The following ZNF618 variants were observed in gnomAD, a reference collection of about 807,000 sequenced individuals.
ZNF618 encodes the protein zinc finger protein 618.
In ZNF618, 34 loss-of-function variants were observed where a neutral mutation model predicts 103.0. The ratio of observed to expected loss-of-function variants is 0.33; its 90% CI spans 0.25 to 0.44. The LOEUF (loss-of-function observed/expected upper bound fraction) is 0.44. Ranked by LOEUF, ZNF618 falls within the 20% of genes least tolerant of loss-of-function variation. The pLI, the probability that ZNF618 is intolerant of heterozygous loss-of-function variation, is 1.00. For missense variants in ZNF618, 1,059 were observed against 1,295.4 expected (o/e 0.82, Z 2.80); for synonymous variants, 551 against 542.2 (o/e 1.02, Z -0.23).
chr9:114,024,074 A>G (rs753318498), intron 10 of ZNF618, among the ~76,000 whole-genome samples: 35 of 152,176 alleles, frequency 2.3e-4, no homozygotes, highest in Non-Finnish European at 4.7e-4. Context: ...GATATTTGAT[A>G]ATCAATAATG....
At chr9:114,024,759 T>A (rs540657098) in intron 10 of ZNF618, among the ~76,000 whole-genome samples, 1 of 151,148 alleles carries the variant, frequency 6.6e-6, no homozygotes, top group African/African-American at 2.4e-5. Flanking sequence ...TAGCTGTTTT[T>A]TTGCTAGGCT....
In ZNF618 at chr9:113,920,043, GC is replaced by G. The variant is rs563263410; in HGVS notation, c.33+43633del. 3.1e-4 allele frequency among the ~76,000 whole-genome samples: 47 copies of G among 152,290 alleles called. 1 individual carries two copies. The South Asian group carries it at 9.5e-3, about 31-fold the overall frequency. On this transcript the variant is annotated intron_variant, in intron 1 of 14. Coordinates refer to ENST00000374126, the MANE Select transcript of ZNF618 (RefSeq NM_001318042.2). ...ACCTTTGAACCTGGGGAGCACCAGGGCCCTGGCCTGAATGTCAGGGCCTCTA... is the reference window on the plus strand; with the variant it reads ...ACCTTTGAACCTGGGGAGCACCAGGGCCTGGCCTGAATGTCAGGGCCTCTA...
chr9:113,943,410 G>A (rs1385384124), intron 1 of ZNF618, among the ~76,000 whole-genome samples: 1 of 152,154 alleles, frequency 6.6e-6, no homozygotes, highest in Non-Finnish European at 1.5e-5. Context: ...CTGGAGCCAC[G>A]TGTGATGCAC....
intron 9 of ZNF618, among the ~76,000 whole-genome samples, chr9:114,009,532 G>A (rs967039319): frequency 1.3e-5 from 2 of 152,096 alleles, no homozygotes; most frequent in Non-Finnish European, 2.9e-5. Flanking sequence ...AGGTGCCGTG[G>A]GACCACAAGT....
intron 12 of ZNF618, 46 bp downstream of exon 12, chr9:114,032,774 T>C (rs1287353675): frequency 1.9e-6 from 3 of 1,563,970 alleles, no homozygotes; most frequent in South Asian, 2.2e-5. Context: ...GCTGCCAGCT[T>C]CGCCCGCTCC....
intron 1 of ZNF618, among the ~76,000 whole-genome samples, chr9:113,918,531 G>T (rs1459320035): frequency 6.6e-6 from 1 of 151,960 alleles, no homozygotes; most frequent in South Asian, 2.1e-4. Context: ...TTATTAATTG[G>T]AATTGTACTG....
At chr9:113,878,714 A>G (rs1828199967) in intron 1 of ZNF618, among the ~76,000 whole-genome samples, 2 of 152,284 alleles carry the variant, frequency 1.3e-5, no homozygotes, top group South Asian at 4.1e-4. Context: ...TTGGATTGGA[A>G]ATTGATGGTG....
chr9:113,984,220 A>G (rs1839243886), intron 2 of ZNF618, among the ~76,000 whole-genome samples: 1 of 152,178 alleles, frequency 6.6e-6, no homozygotes, highest in Non-Finnish European at 1.5e-5. Context: ...TTAGGACACA[A>G]TGGGAGGATG....
At chr9:113,915,058 C>T (rs1481331176) in intron 1 of ZNF618, among the ~76,000 whole-genome samples, 1 of 152,236 alleles carries the variant, frequency 6.6e-6, no homozygotes, top group Non-Finnish European at 1.5e-5. Context: ...GGAAAATCTT[C>T]TACCTTACTT....
intron 1 of ZNF618, among the ~76,000 whole-genome samples, chr9:113,944,124 A>G (rs1423112985): frequency 1.3e-4 from 19 of 151,822 alleles, no homozygotes; most frequent in South Asian, 2.1e-4. Flanking sequence ...CCCTCTTTCT[A>G]CCTTCTTTTT....
chr9:113,959,483 G>A (rs1160235617), intron 1 of ZNF618, among the ~76,000 whole-genome samples: 1 of 152,358 alleles, frequency 6.6e-6, no homozygotes, highest in African/African-American at 2.4e-5. Flanking sequence ...GGCCCCAGCC[G>A]TGGTGGCACC....
At chr9:114,002,516 G>T (rs1354362594) in intron 5 of ZNF618, 108 bp from the exon 6 acceptor site, 9 of 1,274,258 alleles carry the variant, frequency 7.1e-6, no homozygotes, top group Non-Finnish European at 8.9e-6. Flanking sequence ...CCCGGTGCGG[G>T]ACTGTGAGCT....
At chr9:113,938,852 G>GA (rs1426457471) in intron 1 of ZNF618, among the ~76,000 whole-genome samples, 1 of 152,172 alleles carries the variant, frequency 6.6e-6, no homozygotes, top group Non-Finnish European at 1.5e-5. Flanking sequence ...TTACAGGTGT[G>GA]AGCCACCACA....
chr9:114,043,415 T>A (rs559270361), intron 13 of ZNF618, among the ~76,000 whole-genome samples: 53 of 152,352 alleles, frequency 3.5e-4, no homozygotes, highest in Non-Finnish European at 7.2e-4. Flanking sequence ...TTCTTGGTAA[T>A]AGCCATCCTA....
intron 10 of ZNF618, 76 bp downstream of exon 10, chr9:114,016,860 G>A: frequency 8.3e-7 from 1 of 1,207,136 alleles, no homozygotes; most frequent in Non-Finnish European, 1.2e-6. Flanking sequence ...CCAGGCCTCT[G>A]GAATTTGGCC....
At chr9:114,023,645 T>C (rs751189586) in intron 10 of ZNF618, among the ~76,000 whole-genome samples, 1 of 152,204 alleles carries the variant, frequency 6.6e-6, no homozygotes, top group South Asian at 2.1e-4. Flanking sequence ...ACATTTCTTA[T>C]ATTGTAGGTC....
intron 1 of ZNF618, among the ~76,000 whole-genome samples, chr9:113,924,030 T>C (rs1832867075): frequency 6.6e-6 from 1 of 152,072 alleles, no homozygotes; most frequent in Non-Finnish European, 1.5e-5. Context: ...GTAATGTTAG[T>C]GTCGTAGAAT....
intron 2 of ZNF618, among the ~76,000 whole-genome samples, chr9:113,978,290 G>A (rs780203377): frequency 2.0e-5 from 3 of 152,234 alleles, no homozygotes; most frequent in Non-Finnish European, 4.4e-5. Context: ...CTCTCTCTCA[G>A]CTCTCCCAGG....
chr9:113,978,022 T>C (rs1190396162), intron 2 of ZNF618, among the ~76,000 whole-genome samples: 1 of 152,258 alleles, frequency 6.6e-6, no homozygotes. Flanking sequence ...ATTTATGCAT[T>C]GTAGGTTACT....
Sources: allele counts gnomAD v4.1 joint callset (sites outside exome capture counted in the v4.1 genomes callset), GRCh38; gene constraint gnomAD v4.1.1; transcripts MANE v1.5; gene names NCBI Gene and HGNC (gene_info 2026-07-23, HGNC 2026-07-21).